Variants in PTPN4 observed in about 807,000 individuals in gnomAD.
The protein encoded by PTPN4 is tyrosine-protein phosphatase non-receptor type 4.
In PTPN4, 49 loss-of-function variants were observed where a neutral mutation model predicts 135.5. That is an observed-to-expected ratio of 0.36 (90% CI 0.29 to 0.46). PTPN4 has a LOEUF of 0.46. PTPN4 is among the 20% of genes least tolerant of loss of function. PTPN4 has a pLI of 1.00. For missense variants in PTPN4, 860 were observed against 1,101.0 expected (o/e 0.78, Z 3.10); for synonymous variants, 333 against 369.9 (o/e 0.90, Z 1.14).
At chr2:119,954,547 G>C (rs948186950) in intron 19 of PTPN4, among the ~76,000 whole-genome samples, 2 of 152,180 alleles carry the variant, frequency 1.3e-5, no homozygotes, top group Non-Finnish European at 2.9e-5. Flanking sequence ...TATCTTGCAT[G>C]TGGGCTGGGA....
At chr2:119,964,999 C>T (rs542601530) in intron 24 of PTPN4, among the ~76,000 whole-genome samples, 1 of 152,244 alleles carries the variant, frequency 6.6e-6, no homozygotes, top group Admixed American at 6.5e-5. Context: ...ACCCTCAAAT[C>T]ATCTCCCCAA....
chr2:119,930,038 A>T (rs978102911), intron 13 of PTPN4, among the ~76,000 whole-genome samples: 1 of 152,166 alleles, frequency 6.6e-6, no homozygotes, highest in African/African-American at 2.4e-5. Context: ...TCAAAGTTTT[A>T]TGCATGAGGT....
intron 9 of PTPN4, among the ~76,000 whole-genome samples, chr2:119,891,805 A>G (rs1443789653): frequency 6.6e-6 from 1 of 152,142 alleles, no homozygotes; most frequent in Non-Finnish European, 1.5e-5. Flanking sequence ...ATTAAGATCT[A>G]TTGCTGGAGA....
chr2:119,845,340 A>G (rs1677480707), intron 2 of PTPN4, among the ~76,000 whole-genome samples: 1 of 149,504 alleles, frequency 6.7e-6, no homozygotes, highest in Admixed American at 6.8e-5. Context: ...TAAATTCACC[A>G]GGGAAACCAT....
intron 1 of PTPN4, among the ~76,000 whole-genome samples, chr2:119,770,878 C>CTT (rs11302568): frequency 2.8e-4 from 39 of 138,942 alleles, no homozygotes; most frequent in Non-Finnish European, 3.0e-4. Flanking sequence ...AAGGGTCTAA[C>CTT]TTTTTTTTTT....
At chr2:119,900,655 A>G (rs1420328720) in intron 9 of PTPN4, 63 bp from the exon 10 acceptor site, 8 of 1,034,646 alleles carry the variant, frequency 7.7e-6, no homozygotes, top group Middle Eastern at 3.1e-4. Context: ...CTATTTTTAA[A>G]ATATATCTCT....
rs1691542139 is a variant in PTPN4 at position 119,809,699 on chromosome 2, C to T, written c.-17-138C>T. 3.0e-5 allele frequency: 22 copies of T among 731,296 alleles called. 1 individual carries two copies. The South Asian group carries it at 5.4e-4, about 18-fold the overall frequency. The allele number at this position is 731,296 out of a possible 1,614,324, so 45.3% of individuals were successfully genotyped here. A position where few individuals can be genotyped will look rare whatever the true frequency, so the allele number is the denominator to read the frequency against. On this transcript the variant is annotated intron_variant, in intron 1 of 26. Coordinates refer to ENST00000263708, the MANE Select transcript of PTPN4 (RefSeq NM_002830.4). ...CTATATATAACTTATACCTACAATT[C>T]TTATTCTGGTGTTTCAAAATTTATA...
At chr2:119,945,798 G>A (rs949643618) in intron 16 of PTPN4, among the ~76,000 whole-genome samples, 2 of 151,872 alleles carry the variant, frequency 1.3e-5, no homozygotes, top group African/African-American at 2.4e-5. Flanking sequence ...GACTGCTAAT[G>A]GATACAAGAT....
intron 5 of PTPN4, among the ~76,000 whole-genome samples, chr2:119,880,534 A>G (rs923016216): frequency 2.7e-5 from 4 of 150,788 alleles, no homozygotes; most frequent in Admixed American, 2.6e-4. Flanking sequence ...GGTTCACGCC[A>G]TTCTCCTGCC....
rs139483334 is a variant in PTPN4, at chr2:119,899,474, C to A, written c.676-1244C>A. ...TTTCCTCTCAGTAAATCTAGTCTTA[C>A]CACTTTATATCTTTAAGGATTCCTC... On this transcript the variant is annotated intron_variant, in intron 9 of 26. Transcript: ENST00000263708. Among the ~76,000 whole-genome samples the A allele has an allele frequency of 2.5e-3, 381 of 152,164 alleles. 1 individual carries two copies. The highest frequency in any genetic ancestry group is 9.0e-3 in the African/African-American group (372 of 41,512).
chr2:119,809,530 C>T (rs28549262), intron 1 of PTPN4, among the ~76,000 whole-genome samples: 158 of 151,654 alleles, frequency 1.0e-3, no homozygotes, highest in African/African-American at 3.7e-3. Context: ...ATAATCTTCC[C>T]GCCCCTTTTG....
intron 2 of PTPN4, among the ~76,000 whole-genome samples, chr2:119,827,073 G>A (rs1262453118): frequency 2.0e-5 from 3 of 152,206 alleles, no homozygotes; most frequent in African/African-American, 7.2e-5. Flanking sequence ...CTAACTAGGC[G>A]TTTCTTCTTC....
chr2:119,972,338 G>A (rs1382521361), intron 26 of PTPN4, among the ~76,000 whole-genome samples: 1 of 152,102 alleles, frequency 6.6e-6, no homozygotes, highest in African/African-American at 2.4e-5. Flanking sequence ...GTAGTTTTCA[G>A]CATGCAAGTC....
chr2:119,931,466 G>T, intron 13 of PTPN4, among the ~76,000 whole-genome samples: 1 of 109,860 alleles, frequency 9.1e-6, no homozygotes, highest in Non-Finnish European at 1.9e-5. Context: ...TTTTGAGACA[G>T]GGTTTTACTC....
At chr2:119,966,381 CCGG>C (rs1679446141) in intron 25 of PTPN4, among the ~76,000 whole-genome samples, 1 of 152,150 alleles carries the variant, frequency 6.6e-6, no homozygotes, top group East Asian at 1.9e-4. Flanking sequence ...GCCTCAGCCC[CCGG>C]AGTAGCTAGA....
intron 15 of PTPN4, among the ~76,000 whole-genome samples, chr2:119,939,108 T>C (rs551660578): frequency 4.5e-4 from 69 of 152,338 alleles, no homozygotes; most frequent in Non-Finnish European, 9.4e-4. Flanking sequence ...ATAATAATTA[T>C]ATAGCTTTTT....
Position 119,951,994 on chromosome 2 carries a change from CTGAA to C in PTPN4, c.1683_1686del (p.Asn561LysfsTer7). 1 of 1,612,572 alleles carries C rather than the reference CTGAA, an allele frequency of 6.2e-7. No homozygotes were observed. The highest frequency in any genetic ancestry group is 8.5e-7 in the Non-Finnish European group (1 of 1,178,988). ...ACAGGCTGACCTCTGTGTCCCTAGACTGAATGAAGGGGACCAAGTTGTACTGATC... is the reference window on the plus strand; with the variant it reads ...ACAGGCTGACCTCTGTGTCCCTAGACTGAAGGGGACCAAGTTGTACTGATC... On this transcript the variant is annotated frameshift_variant, in exon 19 of 27. Transcript: ENST00000263708. LOFTEE classifies it high-confidence loss of function.
At chr2:119,783,046 C>T (rs1463385319) in intron 1 of PTPN4, among the ~76,000 whole-genome samples, 2 of 150,428 alleles carry the variant, frequency 1.3e-5, no homozygotes, top group East Asian at 1.9e-4. Flanking sequence ...ATAGTAACAT[C>T]GAAATATTTG....
At chr2:119,827,118 A>G (rs1677157506) in intron 2 of PTPN4, among the ~76,000 whole-genome samples, 4 of 152,188 alleles carry the variant, frequency 2.6e-5, no homozygotes, top group Admixed American at 2.6e-4. Context: ...TTTTGTCTGT[A>G]GCCGTACCCC....
Sources: gnomAD v4.1 joint callset for allele counts (sites outside exome capture counted in the v4.1 genomes callset) on GRCh38, gnomAD v4.1.1 for gene constraint, MANE v1.5 for transcripts, NCBI Gene and HGNC (gene_info 2026-07-23, HGNC 2026-07-21) for gene names.